MOV10L1: variants seen among roughly 807,000 people sequenced by gnomAD.
MOV10L1 encodes Mov10 like RNA helicase 1.
A neutral mutation model predicts 143.8 loss-of-function variants in MOV10L1; 110 were observed. That is an observed-to-expected ratio of 0.76 (90% CI 0.66 to 0.90). MOV10L1 has a LOEUF of 0.90. MOV10L1 is among the 40% of genes least tolerant of loss of function. MOV10L1 has a pLI of 0.00. For missense variants in MOV10L1, 1,406 were observed against 1,526.8 expected (o/e 0.92, Z 1.32); for synonymous variants, 593 against 581.1 (o/e 1.02, Z -0.29).
chr22:50,090,537 C>T (rs969949343), intron 1 of MOV10L1: 2 of 1,602,348 alleles, frequency 1.2e-6, no homozygotes, highest in South Asian at 1.1e-5. Flanking sequence ...CCCCGAAAAA[C>T]GCGGCCCCGC....
At chr22:50,110,142 C>T (rs531641441) in intron 5 of MOV10L1, among the ~76,000 whole-genome samples, 1 of 151,482 alleles carries the variant, frequency 6.6e-6, no homozygotes, top group Admixed American at 6.6e-5. Flanking sequence ...GAGGAAGACT[C>T]TGTCTCAAAA....
chr22:50,161,501 C>G lies in MOV10L1; in HGVS notation c.*52C>G, dbSNP rs150761060. On this transcript the variant is annotated 3_prime_UTR_variant, in exon 27 of 27. Coordinates refer to ENST00000262794, the MANE Select transcript of MOV10L1 (RefSeq NM_018995.3). ...CATGTGCTCAGCCTGGCCACGTTGC[C>G]GTTACAGTCTGCTCCGTGGCTCCTG... The G allele has an allele frequency of 2.2e-5, 33 of 1,519,326 alleles. 1 individual carries two copies. In the South Asian group the frequency reaches 4.0e-4, roughly 18 times the overall value. The allele number at this position is 1,519,326 out of a possible 1,614,324, so 94.1% of individuals were successfully genotyped here. A position where few individuals can be genotyped will look rare whatever the true frequency, so the allele number is the denominator to read the frequency against.
At chr22:50,155,283 C>T (rs2063396977) in intron 22 of MOV10L1, among the ~76,000 whole-genome samples, 1 of 134,576 alleles carries the variant, frequency 7.4e-6, no homozygotes, top group African/African-American at 2.8e-5. Flanking sequence ...TTTTTTGAGA[C>T]AGAGTTTTGC....
chr22:50,137,798 A>G (rs1002963766), intron 15 of MOV10L1, among the ~76,000 whole-genome samples: 5 of 98,640 alleles, frequency 5.1e-5, no homozygotes, highest in African/African-American at 1.3e-4. Flanking sequence ...AAATATACAT[A>G]TTTTATATAT....
chr22:50,097,249 A>T (rs1380918366), intron 2 of MOV10L1, among the ~76,000 whole-genome samples: 1 of 152,068 alleles, frequency 6.6e-6, no homozygotes, highest in South Asian at 2.1e-4. Flanking sequence ...AGCAGCTGGG[A>T]CTACAGGTGT....
intron 22 of MOV10L1, among the ~76,000 whole-genome samples, chr22:50,154,393 TA>T (rs565898899): frequency 1.7e-4 from 25 of 151,426 alleles, no homozygotes; most frequent in South Asian, 8.4e-4. Context: ...TCCCATCTCT[TA>T]AAAAAAAATT....
chr22:50,158,404 G>A lies in MOV10L1; in HGVS notation c.3216+198G>A, dbSNP rs960147316. ...ATGGGCCAGTTCCGGGCAGCTGCCA[G>A]CTTTTCTACGGCCAGAGCCTCGAAC... On this transcript the variant is annotated intron_variant, in intron 23 of 26. Coordinates refer to ENST00000262794, the MANE Select transcript of MOV10L1 (RefSeq NM_018995.3). The surrounding 1 kb of genome is among the most constrained non-coding windows in gnomAD (Gnocchi z 5.0). 3.4e-6 allele frequency: 2 copies of A among 579,724 alleles called. No individual in the cohort carries two copies. The highest frequency in any genetic ancestry group is 3.2e-5 in the East Asian group (1 of 31,672). The allele number at this position is 579,724 out of a possible 1,614,324, so 35.9% of individuals were successfully genotyped here. A position where few individuals can be genotyped will look rare whatever the true frequency, so the allele number is the denominator to read the frequency against.
intron 9 of MOV10L1, among the ~76,000 whole-genome samples, chr22:50,117,572 C>T (rs3810977): frequency 0.023 from 3,478 of 152,256 alleles, 263 homozygotes; most frequent in East Asian, 0.15. Context: ...CCAGCAGCAG[C>T]GTGAAGCCCA....
At position 50,108,126 on chromosome 22, in the gene MOV10L1, G is replaced by C. The variant is rs370682450; in HGVS notation, c.443-10G>C. ...TAACACTACCATGGCTTTTTTCCTG[G>C]CGGTTTTAGGCTTCGAGCCCTGCAA... On this transcript the variant is annotated splice_polypyrimidine_tract_variant and intron_variant, in intron 3 of 26. Transcript: ENST00000262794. The C allele has an allele frequency of 3.7e-6, 6 of 1,610,404 alleles. No individual in the cohort carries two copies. Among genetic ancestry groups the C allele is most frequent in the Non-Finnish European group, 5.1e-6 (6 of 1,177,812 alleles).
chr22:50,117,193 T>C lies in MOV10L1; in HGVS notation c.1296T>C (p.Cys432=). Residue 432 remains cysteine, a synonymous_variant, in exon 9 of 27, where the codon TGT becomes TGC. Coordinates refer to ENST00000262794, the MANE Select transcript of MOV10L1 (RefSeq NM_018995.3). ...PGRCKELLLL[C]FSDFLIGRYL... ...GCTGCAAGGAGCTCCTTTTGCTCTG[T>C]TTTTCCGATTTCCTAATTGGGCGAT... The C allele has an allele frequency of 6.2e-7, 1 of 1,610,936 alleles. No individual in the cohort carries two copies. Among genetic ancestry groups the C allele is most frequent in the Admixed American group, 1.7e-5 (1 of 59,554 alleles).
rs1171611020 is a variant in MOV10L1, at chr22:50,152,160, A to G, written c.2893-885A>G. On this transcript the variant is annotated intron_variant, in intron 21 of 26. Transcript: ENST00000262794. The surrounding 1 kb of genome is among the most constrained non-coding windows in gnomAD (Gnocchi z 4.4). ...GTAACAGACAGCACTGCAGGAACAC[A>G]GGTTTTCACCAACAGGGGCTTTGTT... 2.0e-5 allele frequency among the ~76,000 whole-genome samples: 3 copies of G among 152,232 alleles called. No homozygotes were observed. The highest frequency in any genetic ancestry group is 7.2e-5 in the African/African-American group (3 of 41,462).
Position 50,152,106 on chromosome 22 carries a change from G to A in MOV10L1, c.2893-939G>A, listed in dbSNP as rs1164102464. Among the ~76,000 whole-genome samples, 3 of 152,126 alleles carry A rather than the reference G, an allele frequency of 2.0e-5. No homozygotes were observed. Among genetic ancestry groups the A allele is most frequent in the African/African-American group, 7.2e-5 (3 of 41,438 alleles). ...CGGGAGGACTCACGGGGCCAATCAT[G>A]GCGTTCTCGTGCCAGTGTCATCTGG... On this transcript the variant is annotated intron_variant, in intron 21 of 26. Coordinates refer to ENST00000262794, the MANE Select transcript of MOV10L1 (RefSeq NM_018995.3). The surrounding 1 kb of genome is among the most constrained non-coding windows in gnomAD (Gnocchi z 4.4).
Position 50,119,321 on chromosome 22 carries a change from C to T in MOV10L1, c.1455-1181C>T, listed in dbSNP as rs530854423. ...AGCACCAGGTGTCTGGACCTGCCCA[C>T]GCGGGCATTGGCGGGTGCCTGCTTC... On this transcript the variant is annotated intron_variant, in intron 9 of 26. Coordinates refer to ENST00000262794, the MANE Select transcript of MOV10L1 (RefSeq NM_018995.3). 3.3e-5 allele frequency among the ~76,000 whole-genome samples: 5 copies of T among 152,248 alleles called. No individual in the cohort carries two copies. The South Asian group carries it at 1.0e-3, about 32-fold the overall frequency.
intron 10 of MOV10L1, 78 bp from the exon 11 acceptor site, chr22:50,125,314 C>A: frequency 6.9e-7 from 1 of 1,445,838 alleles, no homozygotes; most frequent in East Asian, 2.3e-5. Context: ...GCTGTTGGAA[C>A]TTTCCTGCTC....
intron 5 of MOV10L1, chr22:50,109,703 A>C (rs965541454): frequency 3.3e-5 from 7 of 210,142 alleles, no homozygotes; most frequent in African/African-American, 1.4e-4. Context: ...TTAGCCGAGC[A>C]TGGTGGTGTG....
At chr22:50,118,560 A>G (rs2062246564) in intron 9 of MOV10L1, among the ~76,000 whole-genome samples, 1 of 152,222 alleles carries the variant, frequency 6.6e-6, no homozygotes, top group Non-Finnish European at 1.5e-5. Context: ...TCAAGCTCAA[A>G]TGTGTCTCTC....
intron 17 of MOV10L1, chr22:50,143,424 AT>A (rs1395777160): frequency 2.3e-4 from 138 of 604,400 alleles, no homozygotes; most frequent in Non-Finnish European, 4.3e-5. Flanking sequence ...AAGGAAACTC[AT>A]TTTTAGCCTG....
rs529438045 is a variant in MOV10L1 at position 50,111,486 on chromosome 22, C to CTTTTTTT, written c.744-2141_744-2135dup. On this transcript the variant is annotated intron_variant, in intron 5 of 26. Transcript: ENST00000262794. ...GAGTGGGGTCCCGACTCTGTCTTTG[C>CTTTTTTT]TTTTTTTTTTTTTTTTTTTTTTTTT... 3.0e-4 allele frequency among the ~76,000 whole-genome samples: 18 copies of CTTTTTTT among 59,148 alleles called. 2 individuals carry two copies. Among genetic ancestry groups the CTTTTTTT allele is most frequent in the South Asian group, 5.6e-4 (1 of 1,800 alleles). The allele number at this position is 59,148 out of a possible 152,430, so 38.8% of individuals were successfully genotyped here. A position where few individuals can be genotyped will look rare whatever the true frequency, so the allele number is the denominator to read the frequency against.
intron 3 of MOV10L1, 117 bp from the exon 4 acceptor site, chr22:50,108,019 G>A (rs962108989): frequency 1.2e-6 from 1 of 838,870 alleles, no homozygotes; most frequent in African/African-American, 1.7e-5. Context: ...AGTAGAAAGT[G>A]CCTTTTAAAT....
Sources: gnomAD v4.1 joint callset for allele counts (sites outside exome capture counted in the v4.1 genomes callset) on GRCh38, gnomAD v4.1.1 for gene constraint, Gnocchi (gnomAD v3.1) non-coding constraint, MANE v1.5 for transcripts, NCBI Gene and HGNC (gene_info 2026-07-23, HGNC 2026-07-21) for gene names.